Variants in GRM1 observed in about 807,000 individuals in gnomAD.
The protein encoded by GRM1 is metabotropic glutamate receptor 1.
A neutral mutation model predicts 90.9 loss-of-function variants in GRM1; 33 were observed. The observed-to-expected ratio is 0.36, with a 90% CI of 0.28 to 0.49. The LOEUF is 0.49. Among genes scored for constraint, GRM1 ranks in the 20% least tolerant of loss-of-function variants. The probability of loss-of-function intolerance (pLI) is 0.99; values close to 1 mark genes in which losing one functional copy is unlikely to be tolerated. For synonymous variants in GRM1, 700 were observed against 613.2 expected (o/e 1.14, Z -2.09); for missense variants, 1,190 against 1,534.3 (o/e 0.78, Z 3.75).
intron 2 of GRM1, among the ~76,000 whole-genome samples, chr6:146,289,268 A>G (rs770238794): frequency 4.6e-5 from 7 of 152,158 alleles, no homozygotes; most frequent in Non-Finnish European, 7.3e-5. Context: ...AGATGGTGAT[A>G]TGGAAGATCT....
chr6:146,120,615 A>C (rs1775945814), intron 1 of GRM1, among the ~76,000 whole-genome samples: 1 of 152,210 alleles, frequency 6.6e-6, no homozygotes, highest in African/African-American at 2.4e-5. Flanking sequence ...ACGTCCCATC[A>C]ATACCTAATT....
chr6:146,150,935 C>T (rs952769291), intron 1 of GRM1, among the ~76,000 whole-genome samples: 5 of 110,562 alleles, frequency 4.5e-5, no homozygotes, highest in Non-Finnish European at 1.0e-4. Context: ...CACGCGTGTG[C>T]GCGCACACAC....
chr6:146,060,306 G>T (rs893252338), intron 1 of GRM1, among the ~76,000 whole-genome samples: 3 of 151,768 alleles, frequency 2.0e-5, no homozygotes, highest in Admixed American at 6.6e-5. Flanking sequence ...ATAGGTAAAT[G>T]GCATGCTGTG....
chr6:146,267,680 G>GGGCTGGGCTGGGCTGGGCTGGGCTC (rs1781956363), intron 2 of GRM1, among the ~76,000 whole-genome samples: 1 of 91,162 alleles, frequency 1.1e-5, no homozygotes, highest in East Asian at 3.0e-4. Flanking sequence ...GGGCTGGGCT[G>GGGCTGGGCTGGGCTGGGCTGGGCTC]GGCTCGGCTC....
chr6:146,239,724 G>A (rs946801201), intron 2 of GRM1, among the ~76,000 whole-genome samples: 5 of 152,120 alleles, frequency 3.3e-5, no homozygotes, highest in African/African-American at 1.2e-4. Flanking sequence ...ACACATTTTA[G>A]AATTAAAAGA....
chr6:146,263,476 A>T (rs952685550), intron 2 of GRM1, among the ~76,000 whole-genome samples: 1 of 152,008 alleles, frequency 6.6e-6, no homozygotes, highest in Non-Finnish European at 1.5e-5. Context: ...TGCCCTTTAC[A>T]TATAAAATTC....
Position 146,053,862 on chromosome 6 carries a change from A to G in GRM1, c.700+23645A>G, listed in dbSNP as rs1775388658. Reference sequence around the variant, plus strand: ...TAGTATATGAATGTGCCTCAGTTTTAACTGAAGAGATAAGGAGGTTCCATA... The same window carrying G: ...TAGTATATGAATGTGCCTCAGTTTTGACTGAAGAGATAAGGAGGTTCCATA... On this transcript the variant is annotated intron_variant, in intron 1 of 7. Coordinates refer to ENST00000282753, the MANE Select transcript of GRM1 (RefSeq NM_001278064.2). Among the ~76,000 whole-genome samples the G allele has an allele frequency of 2.0e-5, 3 of 152,156 alleles. No individual in the cohort carries two copies. In the South Asian group the frequency reaches 6.2e-4, roughly 32 times the overall value.
intron 3 of GRM1, among the ~76,000 whole-genome samples, chr6:146,336,671 C>A (rs1489630884): frequency 6.6e-6 from 1 of 152,208 alleles, no homozygotes; most frequent in Non-Finnish European, 1.5e-5. Flanking sequence ...CTCCACTCAA[C>A]AAGAGTTACC....
At chr6:146,164,254 A>C (rs1008089838) in intron 2 of GRM1, among the ~76,000 whole-genome samples, 11 of 152,112 alleles carry the variant, frequency 7.2e-5, no homozygotes, top group Non-Finnish European at 1.2e-4. Flanking sequence ...TTCAATAATT[A>C]CTCCAAATTC....
rs374250655 is a variant in GRM1 at position 146,265,918 on chromosome 6, T to C, written c.951-38693T>C. On this transcript the variant is annotated intron_variant, in intron 2 of 7. Transcript: ENST00000282753. Reference sequence around the variant, plus strand: ...AAAAATACATATTAGAGGCTGGGAGTGGTGGCTCACGCCTGTAATCCCAGC... The same window carrying C: ...AAAAATACATATTAGAGGCTGGGAGCGGTGGCTCACGCCTGTAATCCCAGC... Among the ~76,000 whole-genome samples, 16 of 152,100 alleles carry C rather than the reference T, an allele frequency of 1.1e-4. No individual in the cohort carries two copies. The South Asian group carries it at 3.3e-3, about 32-fold the overall frequency.
chr6:146,056,464 C>T (rs964335610), intron 1 of GRM1, among the ~76,000 whole-genome samples: 1 of 152,144 alleles, frequency 6.6e-6, no homozygotes, highest in Non-Finnish European at 1.5e-5. Flanking sequence ...CCAACAAAGC[C>T]TAACTGTGCC....
rs371408251 is a variant in GRM1 at position 146,437,359 on chromosome 6, A to G, written c.*2563A>G. 5.2e-4 allele frequency: 79 copies of G among 152,696 alleles called. No homozygotes were observed. The highest frequency in any genetic ancestry group is 1.9e-3 in the African/African-American group (77 of 41,560). 9.5% of individuals were successfully genotyped at this position (152,696 alleles called of 1,614,324 possible). A position where few individuals can be genotyped will look rare whatever the true frequency, so the allele number is the denominator to read the frequency against. On this transcript the variant is annotated 3_prime_UTR_variant, in exon 8 of 8. Transcript: ENST00000282753. ...GATCACTTTATTACTCTGAATGCCT[A>G]CTATTATCCTGATTATGGGGTCTCC...
At chr6:146,361,902 G>C (rs1222988430) in intron 5 of GRM1, among the ~76,000 whole-genome samples, 1 of 152,126 alleles carries the variant, frequency 6.6e-6, no homozygotes, top group Non-Finnish European at 1.5e-5. Context: ...AAAATCATAA[G>C]TAATAATCCA....
chr6:146,251,522 A>G (rs918654366), intron 2 of GRM1, among the ~76,000 whole-genome samples: 3 of 152,216 alleles, frequency 2.0e-5, no homozygotes, highest in Admixed American at 1.3e-4. Context: ...AGTGAGGGGC[A>G]GCCTTGCTAT....
intron 2 of GRM1, among the ~76,000 whole-genome samples, chr6:146,181,513 C>G (rs1349298002): frequency 6.6e-6 from 1 of 152,168 alleles, no homozygotes; most frequent in Non-Finnish European, 1.5e-5. Flanking sequence ...TAAGTTCACT[C>G]TGCCATGATT....
chr6:146,393,565 G>A (rs1776811341), intron 6 of GRM1, among the ~76,000 whole-genome samples: 1 of 151,938 alleles, frequency 6.6e-6, no homozygotes, highest in Admixed American at 6.6e-5. Context: ...GGCTTTTGTT[G>A]CAATTGCTTT....
intron 5 of GRM1, among the ~76,000 whole-genome samples, chr6:146,363,707 TAAATGGATGATGTCCTCAAGGAGAAAAAC>T (rs2115070160): frequency 6.6e-6 from 1 of 152,334 alleles, no homozygotes; most frequent in Admixed American, 6.5e-5. Context: ...CTCAGCTATT[TAAATGGATGATGTCCTCAAGGAGAAAAAC>T]AACTTTAATA....
intron 2 of GRM1, among the ~76,000 whole-genome samples, chr6:146,229,822 T>C (rs1016426936): frequency 2.6e-5 from 4 of 152,184 alleles, no homozygotes; most frequent in African/African-American, 9.6e-5. Context: ...ACACACTTAA[T>C]GAATAAACCC....
intron 5 of GRM1, among the ~76,000 whole-genome samples, chr6:146,381,430 C>A (rs1776313907): frequency 6.6e-6 from 1 of 152,302 alleles, no homozygotes; most frequent in African/African-American, 2.4e-5. Context: ...CAGTGCCTCA[C>A]AATTACTGTG....
Sources: allele counts gnomAD v4.1 joint callset (sites outside exome capture counted in the v4.1 genomes callset), GRCh38; gene constraint gnomAD v4.1.1; transcripts MANE v1.5; gene names NCBI Gene and HGNC (gene_info 2026-07-23, HGNC 2026-07-21).